STARD6: variants seen among roughly 807,000 people sequenced by gnomAD.
STARD6 encodes the protein stAR-related lipid transfer protein 6.
A neutral mutation model predicts 22.3 loss-of-function variants in STARD6; 21 were observed. The ratio of observed to expected loss-of-function variants is 0.94; its 90% CI spans 0.67 to 1.35. The LOEUF (loss-of-function observed/expected upper bound fraction) is 1.35. Ranked by LOEUF, STARD6 falls within the 40% of genes most tolerant of loss-of-function variation. The pLI is 0.00. For missense variants in STARD6, 269 were observed against 266.9 expected (o/e 1.01, Z -0.05); for synonymous variants, 80 against 88.1 (o/e 0.91, Z 0.52).
intron 4 of STARD6, among the ~76,000 whole-genome samples, chr18:54,344,721 TC>T (rs2089019608): frequency 6.6e-6 from 1 of 152,204 alleles, no homozygotes; most frequent in South Asian, 2.1e-4. Context: ...GTGGGATTTA[TC>T]CCAGAATGCA....
intron 4 of STARD6, among the ~76,000 whole-genome samples, chr18:54,350,453 A>C (rs931996143): frequency 2.6e-5 from 4 of 151,930 alleles, no homozygotes; most frequent in African/African-American, 7.3e-5. Context: ...TCTGCCGATT[A>C]TTTCTTTTAC....
At chr18:54,346,731 G>T (rs140667751) in intron 4 of STARD6, among the ~76,000 whole-genome samples, 82 of 152,184 alleles carry the variant, frequency 5.4e-4, no homozygotes, top group African/African-American at 1.9e-3. Flanking sequence ...AAAAAGAAAT[G>T]AGGTACTGAC....
chr18:54,352,679 T>G (rs546903534), intron 4 of STARD6, among the ~76,000 whole-genome samples: 27 of 152,320 alleles, frequency 1.8e-4, no homozygotes, highest in African/African-American at 6.0e-4. Context: ...AAACTGTGAG[T>G]GCAAAAAGTA....
chr18:54,342,663 G>T (rs1268640627), intron 4 of STARD6, among the ~76,000 whole-genome samples: 1 of 112,212 alleles, frequency 8.9e-6, no homozygotes, highest in Non-Finnish European at 1.8e-5. Context: ...GGGTTTCGCT[G>T]TGTTGGCCGG....
intron 4 of STARD6, among the ~76,000 whole-genome samples, chr18:54,352,907 C>A (rs933300913): frequency 6.6e-6 from 1 of 152,130 alleles, no homozygotes; most frequent in Non-Finnish European, 1.5e-5. Flanking sequence ...CTGTAAGATA[C>A]CAAAAAGCCA....
chr18:54,327,185 A>G (rs1174236245), intron 7 of STARD6, among the ~76,000 whole-genome samples: 3 of 152,214 alleles, frequency 2.0e-5, no homozygotes, highest in African/African-American at 7.2e-5. Flanking sequence ...TGCTAATAAT[A>G]AAATATGTGT....
At chr18:54,337,784 C>T (rs992793596) in intron 4 of STARD6, among the ~76,000 whole-genome samples, 1 of 152,278 alleles carries the variant, frequency 6.6e-6, no homozygotes, top group African/African-American at 2.4e-5. Flanking sequence ...CTTGCATTTT[C>T]CAGTCACTTT....
At chr18:54,339,044 C>CAAAAAAAAAAA (rs760501311) in intron 4 of STARD6, among the ~76,000 whole-genome samples, 2 of 10,414 alleles carry the variant, frequency 1.9e-4, no homozygotes, top group Non-Finnish European at 2.3e-4. Context: ...GAGACTCCAT[C>CAAAAAAAAAAA]AAAAAAAAAA....
intron 5 of STARD6, among the ~76,000 whole-genome samples, chr18:54,335,458 T>A (rs1292231060): frequency 1.3e-5 from 2 of 152,070 alleles, no homozygotes; most frequent in African/African-American, 2.4e-5. Flanking sequence ...CCTCCCAAAG[T>A]TCTGGGATTA....
chr18:54,350,189 A>C (rs1420001924), intron 4 of STARD6, among the ~76,000 whole-genome samples: 2 of 152,202 alleles, frequency 1.3e-5, no homozygotes, highest in Non-Finnish European at 2.9e-5. Context: ...TGCAGGGGTA[A>C]GATGGTATCT....
At chr18:54,333,695 G>A (rs1289959205) in intron 5 of STARD6, among the ~76,000 whole-genome samples, 1 of 152,038 alleles carries the variant, frequency 6.6e-6, no homozygotes, top group Non-Finnish European at 1.5e-5. Context: ...TTACCTTCAT[G>A]GGCTTTTCTA....
chr18:54,341,160 C>T (rs1438108676), intron 4 of STARD6, among the ~76,000 whole-genome samples: 6 of 152,112 alleles, frequency 3.9e-5, no homozygotes, highest in South Asian at 4.2e-4. Context: ...CCAGGGTTCA[C>T]GCCATTCTCC....
chr18:54,334,713 C>G (rs1326137889), intron 5 of STARD6, among the ~76,000 whole-genome samples: 2 of 152,038 alleles, frequency 1.3e-5, no homozygotes, highest in East Asian at 3.9e-4. Flanking sequence ...TTTCCCAGTT[C>G]TCTAGCTATA....
At chr18:54,347,881 G>T (rs904600855) in intron 4 of STARD6, among the ~76,000 whole-genome samples, 1 of 152,032 alleles carries the variant, frequency 6.6e-6, no homozygotes, top group African/African-American at 2.4e-5. Context: ...ATCTCATCTT[G>T]AATTGTAGCT....
intron 6 of STARD6, among the ~76,000 whole-genome samples, chr18:54,330,518 G>A (rs1251080458): frequency 6.6e-6 from 1 of 151,970 alleles, no homozygotes; most frequent in Non-Finnish European, 1.5e-5. Context: ...TTTCTTAACT[G>A]CTTAATTTCC....
At chr18:54,348,536 A>G (rs566323669) in intron 4 of STARD6, among the ~76,000 whole-genome samples, 3 of 152,278 alleles carry the variant, frequency 2.0e-5, no homozygotes, top group Admixed American at 6.5e-5. Context: ...CACTAACACT[A>G]GTTAGGTGAC....
chr18:54,334,176 AT>A (rs1175308284), intron 5 of STARD6, among the ~76,000 whole-genome samples: 14 of 152,114 alleles, frequency 9.2e-5, no homozygotes, highest in African/African-American at 3.4e-4. Context: ...TTGACTCTAT[AT>A]ATCTTTGGGT....
At chr18:54,333,791 G>C (rs1380616743) in intron 5 of STARD6, among the ~76,000 whole-genome samples, 2 of 152,180 alleles carry the variant, frequency 1.3e-5, no homozygotes, top group African/African-American at 4.8e-5. Flanking sequence ...TATGATGGCA[G>C]ATATGTGGGA....
rs1204853842 is a variant in STARD6 at position 54,354,551 on chromosome 18, T to C, written c.23A>G (p.Gln8Arg). The change falls in exon 3 of 8, where the codon CAA becomes CGA. Residue 8 changes from glutamine (Q) to arginine (R), a missense_variant. Transcript: ENST00000307844. MDFKAIA[Q>R]QTAQEVLGYN... ...ACCTAAAACTTCTTGGGCAGTTTGT[T>C]GGGCAATTGCCTTGAAGTCCATCTA... is the stretch of plus-strand genomic sequence containing the variant. 5 of 1,613,318 alleles carry C rather than the reference T, an allele frequency of 3.1e-6. No homozygotes were observed. In the Admixed American group the frequency reaches 8.3e-5, roughly 27 times the overall value.
Sources: allele counts gnomAD v4.1 joint callset (sites outside exome capture counted in the v4.1 genomes callset), GRCh38; gene constraint gnomAD v4.1.1; transcripts MANE v1.5; gene names NCBI Gene and HGNC (gene_info 2026-07-23, HGNC 2026-07-21).